The following MDFIC2 variants were observed in gnomAD, a reference collection of about 807,000 sequenced individuals.
MDFIC2 encodes MyoD family inhibitor domain containing 2.
intron 2 of MDFIC2, among the ~76,000 whole-genome samples, chr3:70,224,342 C>T (rs1575601066): frequency 6.6e-6 from 1 of 152,188 alleles, no homozygotes; most frequent in Non-Finnish European, 1.5e-5. Context: ...CTCCATGCTG[C>T]AGCGGATGGT....
chr3:70,257,946 C>T (rs1209431473), intron 2 of MDFIC2, among the ~76,000 whole-genome samples: 2 of 152,082 alleles, frequency 1.3e-5, no homozygotes, highest in East Asian at 1.9e-4. Flanking sequence ...ATCAATAAGA[C>T]TCAATGAAGA....
intron 2 of MDFIC2, among the ~76,000 whole-genome samples, chr3:70,288,747 G>A (rs1045074382): frequency 4.6e-5 from 7 of 151,802 alleles, no homozygotes; most frequent in African/African-American, 1.5e-4. Flanking sequence ...GTGCTCCTGT[G>A]TTGGGTGCAT....
At chr3:70,265,101 C>T (rs1701903838) in intron 2 of MDFIC2, among the ~76,000 whole-genome samples, 1 of 152,184 alleles carries the variant, frequency 6.6e-6, no homozygotes, top group South Asian at 2.1e-4. Flanking sequence ...GATTCAATTA[C>T]CTCTCACTGG....
chr3:70,240,631 T>C (rs1470469577), intron 2 of MDFIC2, among the ~76,000 whole-genome samples: 1 of 152,134 alleles, frequency 6.6e-6, no homozygotes. Context: ...TCCTTCAGCG[T>C]CAATTATAAG....
chr3:70,273,258 G>A (rs1275846200), intron 2 of MDFIC2, among the ~76,000 whole-genome samples: 1 of 152,174 alleles, frequency 6.6e-6, no homozygotes, highest in East Asian at 1.9e-4. Flanking sequence ...TAAGCCCAGT[G>A]AGTTCATTAA....
intron 2 of MDFIC2, chr3:70,249,182 G>A (rs1454515380): frequency 2.0e-5 from 3 of 152,162 alleles, no homozygotes; most frequent in African/African-American, 7.2e-5. Context: ...AACACTTTAA[G>A]TGATTGATCT....
chr3:70,211,948 C>T (rs1221946818), intron 2 of MDFIC2, among the ~76,000 whole-genome samples: 3 of 151,412 alleles, frequency 2.0e-5, no homozygotes. Flanking sequence ...AATTCCTTGA[C>T]TGACCTAGCC....
intron 3 of MDFIC2, among the ~76,000 whole-genome samples, chr3:70,203,929 TTTTATTCAGG>T (rs1363547985): frequency 6.6e-6 from 1 of 152,112 alleles, no homozygotes; most frequent in Non-Finnish European, 1.5e-5. Context: ...ACACTTTCCA[TTTTATTCAGG>T]AAAGGGACCA....
At chr3:70,254,929 T>G (rs1701801152) in intron 2 of MDFIC2, among the ~76,000 whole-genome samples, 1 of 152,236 alleles carries the variant, frequency 6.6e-6, no homozygotes, top group African/African-American at 2.4e-5. Context: ...TCCTCTGTAA[T>G]GGTTTCCTAA....
At chr3:70,242,593 G>A (rs1339877839) in intron 2 of MDFIC2, among the ~76,000 whole-genome samples, 3 of 152,092 alleles carry the variant, frequency 2.0e-5, no homozygotes, top group Non-Finnish European at 4.4e-5. Context: ...GAAATTCATT[G>A]TGCCCATTAT....
intron 2 of MDFIC2, among the ~76,000 whole-genome samples, chr3:70,222,054 C>A (rs1032744716): frequency 6.6e-6 from 1 of 152,066 alleles, no homozygotes; most frequent in African/African-American, 2.4e-5. Context: ...TAAATAACAA[C>A]AACAATATTA....
In MDFIC2 at chr3:70,215,008, G is replaced by A. The variant is rs181471472; in HGVS notation, c.89-8218C>T. 2.6e-5 allele frequency among the ~76,000 whole-genome samples: 4 copies of A among 152,142 alleles called. No homozygotes were observed. In the East Asian group the frequency reaches 7.7e-4, roughly 29 times the overall value. The stretch of plus-strand genomic sequence containing the variant: ...ATGCATGATTGGTATTACATATACA[G>A]TCAATTTTTTTACTATCAGTGTTTA... On this transcript the variant is annotated intron_variant, in intron 2 of 3. Transcript: ENST00000567252.
At chr3:70,305,698 A>G (rs897277985) in intron 2 of MDFIC2, among the ~76,000 whole-genome samples, 3 of 152,212 alleles carry the variant, frequency 2.0e-5, no homozygotes, top group Non-Finnish European at 2.9e-5. Flanking sequence ...AATGTTCATG[A>G]TCCAAAATTA....
At chr3:70,282,343 A>T (rs1315741609) in intron 2 of MDFIC2, among the ~76,000 whole-genome samples, 1 of 152,176 alleles carries the variant, frequency 6.6e-6, no homozygotes, top group Non-Finnish European at 1.5e-5. Flanking sequence ...CTCCCCTATC[A>T]AATTCCCAAA....
intron 2 of MDFIC2, among the ~76,000 whole-genome samples, chr3:70,217,172 G>A (rs1576158829): frequency 6.6e-6 from 1 of 152,194 alleles, no homozygotes; most frequent in African/African-American, 2.4e-5. Flanking sequence ...TCCTAAAAGA[G>A]GACCTGGGAG....
intron 2 of MDFIC2, among the ~76,000 whole-genome samples, chr3:70,282,645 C>T (rs924876178): frequency 1.1e-4 from 17 of 152,280 alleles, no homozygotes; most frequent in African/African-American, 3.8e-4. Flanking sequence ...GGTTCTTGCC[C>T]TCATTTCATT....
chr3:70,309,390 A>C (rs1299573941), intron 2 of MDFIC2, among the ~76,000 whole-genome samples: 1 of 152,228 alleles, frequency 6.6e-6, no homozygotes, highest in Non-Finnish European at 1.5e-5. Flanking sequence ...AGTGTGAACT[A>C]AGCTCTCAAA....
chr3:70,201,371 A>G (rs903629533), intron 3 of MDFIC2, among the ~76,000 whole-genome samples: 16 of 152,180 alleles, frequency 1.1e-4, no homozygotes, highest in African/African-American at 3.9e-4. Flanking sequence ...TGCAAAGGAC[A>G]TGATCTTGTT....
At chr3:70,204,409 G>A (rs1480396922) in intron 3 of MDFIC2, 2 of 152,122 alleles carry the variant, frequency 1.3e-5, no homozygotes, top group African/African-American at 4.8e-5. Flanking sequence ...GTTGTTTGCT[G>A]TTTAGGATAA....
Sources: allele counts gnomAD v4.1 joint callset (sites outside exome capture counted in the v4.1 genomes callset), GRCh38; gene constraint gnomAD v4.1.1; transcripts MANE v1.5; gene names NCBI Gene and HGNC (gene_info 2026-07-23, HGNC 2026-07-21).